Variants in NRG4 observed in about 807,000 individuals in gnomAD.
NRG4 encodes the protein neuregulin 4.
NRG4 carries 10 observed loss-of-function variants against 15.0 expected under a neutral mutation model. The observed-to-expected ratio is 0.67, with a 90% confidence interval of 0.41 to 1.13. The LOEUF is 1.13. Among genes scored for constraint, NRG4 ranks in the 50% most tolerant of loss-of-function variants. The pLI, the probability that NRG4 is intolerant of heterozygous loss-of-function variation, is 0.00. For missense variants in NRG4, 139 were observed against 140.2 expected (o/e 0.99, Z 0.04); for synonymous variants, 41 against 50.1 (o/e 0.82, Z 0.77).
At chr15:76,022,989 G>T (rs1307238653) in intron 5 of NRG4, among the ~76,000 whole-genome samples, 1 of 151,924 alleles carries the variant, frequency 6.6e-6, no homozygotes, top group Non-Finnish European at 1.5e-5. Flanking sequence ...GCTGAGCAGG[G>T]TAAGAAAAAA....
rs2031037300 is a variant in NRG4, at chr15:75,941,989, A to AC, written c.*1648_*1649insG. 1 of 129,194 alleles carries AC rather than the reference A, an allele frequency of 7.7e-6. No homozygotes were observed. The highest frequency in any genetic ancestry group is 3.0e-5 in the African/African-American group (1 of 33,702). 8.0% of individuals were successfully genotyped at this position (129,194 alleles called of 1,614,324 possible). ...TGGCCTAGCTTTTTTTTTTTTTTTT[A>AC]AAAAGGGCAGGGGGTGGGGTATTTA... On this transcript the variant is annotated 3_prime_UTR_variant, in exon 6 of 6. Transcript: ENST00000394907.
intron 3 of NRG4, among the ~76,000 whole-genome samples, chr15:76,007,066 A>G (rs1431355883): frequency 6.6e-6 from 1 of 152,218 alleles, no homozygotes; most frequent in Non-Finnish European, 1.5e-5. Context: ...CTAAAACTGA[A>G]CAACAAACTA....
intron 4 of NRG4, among the ~76,000 whole-genome samples, chr15:75,961,145 TTAA>T (rs1185599471): frequency 2.0e-5 from 3 of 152,212 alleles, no homozygotes; most frequent in African/African-American, 2.4e-5. Context: ...TAAATATTAA[TTAA>T]TGATGAGAGT....
intron 3 of NRG4, among the ~76,000 whole-genome samples, chr15:75,981,981 A>C (rs77445515): frequency 0.017 from 2,654 of 152,270 alleles, 87 homozygotes; most frequent in African/African-American, 0.061. Context: ...ATTTACAGAG[A>C]AGAAAATTCA....
intron 3 of NRG4, chr15:75,969,340 G>A: frequency 2.7e-6 from 1 of 377,132 alleles, no homozygotes; most frequent in South Asian, 2.0e-5. Context: ...TTTGCCAGCT[G>A]CCTTCCAAAG....
intron 4 of NRG4, among the ~76,000 whole-genome samples, chr15:76,037,357 T>A (rs973151178): frequency 6.6e-6 from 1 of 152,188 alleles, no homozygotes; most frequent in Non-Finnish European, 1.5e-5. Context: ...CCCATCACAG[T>A]AGCCAAGTGT....
At chr15:76,057,731 G>A (rs1179907716) in intron 1 of NRG4, among the ~76,000 whole-genome samples, 1 of 151,878 alleles carries the variant, frequency 6.6e-6, no homozygotes, top group East Asian at 1.9e-4. Context: ...GGATTACTCA[G>A]AAAAGGACAA....
intron 4 of NRG4, among the ~76,000 whole-genome samples, chr15:76,050,335 C>A (rs2035965769): frequency 6.6e-6 from 1 of 150,476 alleles, no homozygotes; most frequent in Non-Finnish European, 1.5e-5. Flanking sequence ...TCTATTTTTT[C>A]CTGCTGTTTT....
At chr15:75,990,164 G>A (rs1036576980) in intron 3 of NRG4, among the ~76,000 whole-genome samples, 1 of 152,138 alleles carries the variant, frequency 6.6e-6, no homozygotes, top group African/African-American at 2.4e-5. Flanking sequence ...TATGGAGTTT[G>A]ACACTACACT....
At chr15:76,039,270 A>G (rs2035671570) in intron 4 of NRG4, among the ~76,000 whole-genome samples, 1 of 152,202 alleles carries the variant, frequency 6.6e-6, no homozygotes. Flanking sequence ...AATGAACTAA[A>G]TAAGGTGCGA....
intron 3 of NRG4, among the ~76,000 whole-genome samples, chr15:75,970,045 C>G (rs555903279): frequency 6.6e-6 from 1 of 152,132 alleles, no homozygotes; most frequent in African/African-American, 2.4e-5. Context: ...CTACAACCTT[C>G]TACTAAATTT....
chr15:75,957,159 A>G (rs1046737178), intron 4 of NRG4, among the ~76,000 whole-genome samples: 1 of 152,214 alleles, frequency 6.6e-6, no homozygotes, highest in African/African-American at 2.4e-5. Context: ...TACATAGGAC[A>G]ATACTATGTT....
chr15:76,005,874 T>C (rs2034588015), intron 3 of NRG4: 2 of 362,870 alleles, frequency 5.5e-6, no homozygotes, highest in African/African-American at 4.2e-5. Context: ...CTAACGTAAA[T>C]AGTGAATGGC....
At position 76,001,125 on chromosome 15, in the gene NRG4, G is replaced by A. The variant is rs563029491; in HGVS notation, c.104+8075C>T. Among the ~76,000 whole-genome samples the A allele has an allele frequency of 2.6e-5, 4 of 151,910 alleles. No homozygotes were observed. The South Asian group carries it at 8.4e-4, about 32-fold the overall frequency. ...TTTAGCCTCCTGAGTAGCTGGGACT[G>A]TCAGCACACGCCACCACACCTGGTA... On this transcript the variant is annotated intron_variant, in intron 3 of 5. Transcript: ENST00000394907.
At position 75,950,153 on chromosome 15, in the gene NRG4, T is replaced by A. The variant is rs143646396; in HGVS notation, c.331+5779A>T. Among the ~76,000 whole-genome samples, 674 of 152,312 alleles carry A rather than the reference T, an allele frequency of 4.4e-3. 7 individuals carry two copies. Among genetic ancestry groups the A allele is most frequent in the African/African-American group, 0.015 (624 of 41,572 alleles). On this transcript the variant is annotated intron_variant, in intron 5 of 5. Transcript: ENST00000394907. ...GGTCTTCATTTCTCTCAGCAATTTT[T>A]TTTTTAGTTTTCAATACATAGGCCT...
chr15:76,051,649 C>T (rs1431394011), intron 4 of NRG4, among the ~76,000 whole-genome samples: 4 of 149,626 alleles, frequency 2.7e-5, no homozygotes, highest in South Asian at 2.1e-4. Flanking sequence ...CTGCAAGCTC[C>T]GCCTCCGGGG....
At chr15:75,945,076 A>C (rs536149240) in intron 5 of NRG4, among the ~76,000 whole-genome samples, 2 of 152,176 alleles carry the variant, frequency 1.3e-5, no homozygotes, top group East Asian at 3.9e-4. Context: ...ATCAAGAGGC[A>C]AACCTTTTGG....
At chr15:76,010,688 C>G (rs2034778641) in intron 2 of NRG4, among the ~76,000 whole-genome samples, 1 of 151,906 alleles carries the variant, frequency 6.6e-6, no homozygotes, top group South Asian at 2.1e-4. Context: ...CAACTTTCAA[C>G]AAGATTATAA....
chr15:76,000,938 C>A (rs1596008086), intron 3 of NRG4, among the ~76,000 whole-genome samples: 2 of 152,050 alleles, frequency 1.3e-5, no homozygotes, highest in African/African-American at 4.8e-5. Flanking sequence ...GTACATATAG[C>A]AATACTCCCC....
Sources: gnomAD v4.1 joint callset for allele counts (sites outside exome capture counted in the v4.1 genomes callset) on GRCh38, gnomAD v4.1.1 for gene constraint, MANE v1.5 for transcripts, NCBI Gene and HGNC (gene_info 2026-07-23, HGNC 2026-07-21) for gene names.